The following NRG3 variants were observed in gnomAD, a reference collection of about 807,000 sequenced individuals.
The protein encoded by NRG3 is pro-neuregulin-3, membrane-bound isoform.
In NRG3, 31 loss-of-function variants were observed where a neutral mutation model predicts 66.9. The observed-to-expected ratio is 0.46, with a 90% CI of 0.35 to 0.63. The LOEUF is 0.63. NRG3 is among the 20% of genes least tolerant of loss of function. The pLI, the probability that NRG3 is intolerant of heterozygous loss-of-function variation, is 0.00. For synonymous variants in NRG3, 393 were observed against 359.4 expected, an observed-to-expected ratio of 1.09 and a Z score of -1.06; for missense variants, 910 against 878.9, an observed-to-expected ratio of 1.04 and a Z score of -0.45.
chr10:82,478,233 T>TGAAAATTACTTTGAAGTC (rs1564968722), intron 2 of NRG3, among the ~76,000 whole-genome samples: 5 of 18,362 alleles, frequency 2.7e-4, no homozygotes, highest in Admixed American at 1.9e-3. Flanking sequence ...GTGTCACTCT[T>TGAAAATTACTTTGAAGTC]TTTTTTTTTT....
chr10:81,980,185 T>C (rs982248923), intron 1 of NRG3, among the ~76,000 whole-genome samples: 3 of 152,200 alleles, frequency 2.0e-5, no homozygotes, highest in African/African-American at 7.2e-5. Context: ...TTCTTTGTAC[T>C]TTGTAGGAGT....
At chr10:81,877,022 T>C (rs766775345) in intron 1 of NRG3, among the ~76,000 whole-genome samples, 3 of 152,130 alleles carry the variant, frequency 2.0e-5, no homozygotes, top group African/African-American at 4.8e-5. Flanking sequence ...CTGAAAAATA[T>C]AGACGAGTTG....
chr10:82,822,238 T>G (rs1250922508), intron 3 of NRG3, among the ~76,000 whole-genome samples: 1 of 152,088 alleles, frequency 6.6e-6, no homozygotes, highest in African/African-American at 2.4e-5. Flanking sequence ...GGACCGTGCT[T>G]CAGCACCACA....
chr10:82,847,761 C>G (rs1014484459), intron 3 of NRG3, among the ~76,000 whole-genome samples: 2 of 152,088 alleles, frequency 1.3e-5, no homozygotes, highest in Admixed American at 1.3e-4. Context: ...AGTGCGTAGT[C>G]CAGGGTTGTA....
chr10:82,647,643 T>G (rs919698531), intron 2 of NRG3, among the ~76,000 whole-genome samples: 8 of 150,402 alleles, frequency 5.3e-5, no homozygotes, highest in African/African-American at 1.9e-4. Context: ...TGTTCCTATT[T>G]CTCCACATCC....
chr10:82,951,494 G>C lies in NRG3; in HGVS notation c.1080G>C (p.Gln360His). 3 of 1,613,912 alleles carry C rather than the reference G, an allele frequency of 1.9e-6. No individual in the cohort carries two copies. The highest frequency in any genetic ancestry group is 1.3e-5 in the African/African-American group (1 of 75,026). Reference sequence around the variant, plus strand: ...AGAGTGAAGAAGTTTATCAAAGGCAGGTGCTGTCAATTTCATGTATCATCT... The same window carrying C: ...AGAGTGAAGAAGTTTATCAAAGGCACGTGCTGTCAATTTCATGTATCATCT... ...FMESEEVYQR[Q>H]VLSISCIIFG... Residue 360 changes from glutamine to histidine, a missense_variant, in exon 5 of 9, where the codon CAG becomes CAC. Gln to His is a conservative substitution (Grantham distance 24). Coordinates refer to ENST00000372141, the MANE Select transcript of NRG3 (RefSeq NM_001010848.4).
chr10:81,991,950 ACTC>A (rs2060759356), intron 1 of NRG3, among the ~76,000 whole-genome samples: 1 of 151,776 alleles, frequency 6.6e-6, no homozygotes, highest in Non-Finnish European at 1.5e-5. Context: ...TCACAGAAAA[ACTC>A]CTGAGATTAG....
At chr10:82,720,738 A>G (rs1342678078) in intron 2 of NRG3, among the ~76,000 whole-genome samples, 1 of 150,650 alleles carries the variant, frequency 6.6e-6, no homozygotes, top group East Asian at 2.0e-4. Flanking sequence ...AGCAAGATGT[A>G]GAAGTTCTTT....
At chr10:82,192,863 T>C (rs2074234154) in intron 1 of NRG3, among the ~76,000 whole-genome samples, 1 of 152,080 alleles carries the variant, frequency 6.6e-6, no homozygotes, top group African/African-American at 2.4e-5. Flanking sequence ...GACGTCATAA[T>C]ATCTTTTGAT....
chr10:82,751,579 A>C (rs779456069), intron 3 of NRG3, among the ~76,000 whole-genome samples: 11 of 152,176 alleles, frequency 7.2e-5, no homozygotes, highest in Non-Finnish European at 1.3e-4. Flanking sequence ...ACATTTATTA[A>C]CAACCTATTC....
At chr10:81,976,914 A>G (rs1012742362) in intron 1 of NRG3, among the ~76,000 whole-genome samples, 33 of 152,160 alleles carry the variant, frequency 2.2e-4, no homozygotes, top group African/African-American at 8.0e-4. Context: ...CTCACACACA[A>G]ATCTTCTTTA....
chr10:82,682,242 C>T (rs371570849), intron 2 of NRG3, among the ~76,000 whole-genome samples: 5 of 151,892 alleles, frequency 3.3e-5, no homozygotes, highest in African/African-American at 4.9e-5. Flanking sequence ...AAGCAAGGCT[C>T]GTCACCACAA....
chr10:82,468,372 G>A (rs1309609420), intron 2 of NRG3, among the ~76,000 whole-genome samples: 1 of 150,762 alleles, frequency 6.6e-6, no homozygotes, highest in Non-Finnish European at 1.5e-5. Flanking sequence ...CAGACCTTTA[G>A]AGGAAGTGTC....
rs1336049546 is a variant in NRG3, at chr10:81,975,056, G to T, written c.823+98893G>T. On this transcript the variant is annotated intron_variant, in intron 1 of 8. Coordinates refer to ENST00000372141, the MANE Select transcript of NRG3 (RefSeq NM_001010848.4). ...TGAGAAATCATTGGAGCACGGTCTT[G>T]TGGACATATAGCTCTACACACAGCA... Among the ~76,000 whole-genome samples the T allele has an allele frequency of 4.6e-5, 7 of 151,944 alleles. No individual in the cohort carries two copies. The East Asian group carries it at 1.4e-3, about 29-fold the overall frequency.
At position 82,545,377 on chromosome 10, in the gene NRG3, ATTTT is replaced by A. The variant is rs745968047; in HGVS notation, c.953+186525_953+186528del. ...TTTTTAAAGTAATCTTGCTAATAGC[ATTTT>A]TTTTTTTTTTTTTTTGAGACGGAGT... On this transcript the variant is annotated intron_variant, in intron 2 of 8. Transcript: ENST00000372141. Among the ~76,000 whole-genome samples, 152 of 130,958 alleles carry A rather than the reference ATTTT, an allele frequency of 1.2e-3. 1 individual carries two copies. Among genetic ancestry groups the A allele is most frequent in the African/African-American group, 4.1e-3 (138 of 33,834 alleles). The allele number at this position is 130,958 out of a possible 152,430, so 85.9% of individuals were successfully genotyped here. A position where few individuals can be genotyped will look rare whatever the true frequency, so the allele number is the denominator to read the frequency against.
chr10:82,255,202 C>T lies in NRG3; in HGVS notation c.824-103537C>T, dbSNP rs563131847. Among the ~76,000 whole-genome samples the T allele has an allele frequency of 1.6e-3, 250 of 152,268 alleles. 2 individuals are homozygous for T. Among genetic ancestry groups the T allele is most frequent in the South Asian group, 7.3e-3 (35 of 4,818 alleles). ...TTGTGAGAAAAACACCAGACAAATT[C>T]GAATCATGGGCCATCCTATAAAATA... On this transcript the variant is annotated intron_variant, in intron 1 of 8. Transcript: ENST00000372141.
chr10:82,388,215 T>C (rs2086132424), intron 2 of NRG3, among the ~76,000 whole-genome samples: 1 of 152,182 alleles, frequency 6.6e-6, no homozygotes, highest in Non-Finnish European at 1.5e-5. Flanking sequence ...TCATGTGGGA[T>C]ATAATAATGT....
intron 2 of NRG3, among the ~76,000 whole-genome samples, chr10:82,509,025 T>C (rs942399278): frequency 6.6e-6 from 1 of 152,326 alleles, no homozygotes; most frequent in South Asian, 2.1e-4. Flanking sequence ...TATCTCTTAA[T>C]CTATAGACCC....
chr10:82,832,194 G>T (rs1297694626), intron 3 of NRG3, among the ~76,000 whole-genome samples: 2 of 152,124 alleles, frequency 1.3e-5, no homozygotes, highest in African/African-American at 4.8e-5. Context: ...CTAAAATATG[G>T]CTCTGACCAT....
Sources: allele counts gnomAD v4.1 joint callset (sites outside exome capture counted in the v4.1 genomes callset), GRCh38; gene constraint gnomAD v4.1.1; transcripts MANE v1.5; gene names NCBI Gene and HGNC (gene_info 2026-07-23, HGNC 2026-07-21).